GNB5: variants seen among roughly 807,000 people sequenced by gnomAD.
GNB5 encodes G protein subunit beta 5.
Under a neutral mutation model 55.3 loss-of-function variants are expected in GNB5, and 37 were observed. The ratio of observed to expected loss-of-function variants is 0.67; its 90% confidence interval spans 0.51 to 0.88. The LOEUF (loss-of-function observed/expected upper bound fraction) is 0.88, where lower values mean the gene tolerates loss of function less well. Ranked by LOEUF, GNB5 falls within the 40% of genes least tolerant of loss-of-function variation. The probability of loss-of-function intolerance (pLI) is 0.00; values close to 1 mark genes in which losing one functional copy is unlikely to be tolerated. For synonymous variants in GNB5, 219 were observed against 198.5 expected, an observed-to-expected ratio of 1.10 and a Z score of -0.87; for missense variants, 476 against 515.3, an observed-to-expected ratio of 0.92 and a Z score of 0.74.
chr15:52,118,354 T>G lies in GNB5; in HGVS notation c.*4403A>C, dbSNP rs1400741177. ...GGTCAAAACTATTTTCATAATAATA[T>G]TGACACTTTTTTTTTTTGTATGGGT... On this transcript the variant is annotated 3_prime_UTR_variant, in exon 13 of 13. Transcript: ENST00000261837. 6.9e-6 allele frequency: 1 copy of G among 145,120 alleles called. No individual in the cohort carries two copies. The highest frequency in any genetic ancestry group is 1.5e-5 in the Non-Finnish European group (1 of 65,744). The allele number at this position is 145,120 out of a possible 1,614,324, so 9.0% of individuals were successfully genotyped here. A position where few individuals can be genotyped will look rare whatever the true frequency, so the allele number is the denominator to read the frequency against.
chr15:52,155,214 A>G (rs2034181353), intron 3 of GNB5, among the ~76,000 whole-genome samples: 1 of 152,156 alleles, frequency 6.6e-6, no homozygotes, highest in Non-Finnish European at 1.5e-5. Context: ...GGGCATTTTC[A>G]GGGGGAAACA....
At chr15:52,158,030 A>G (rs1442836257) in intron 3 of GNB5, among the ~76,000 whole-genome samples, 1 of 151,340 alleles carries the variant, frequency 6.6e-6, no homozygotes, top group Non-Finnish European at 1.5e-5. Flanking sequence ...TTTTTTTTTA[A>G]TGGTGAATAT....
intron 2 of GNB5, among the ~76,000 whole-genome samples, chr15:52,183,441 A>G (rs2034803023): frequency 1.3e-5 from 2 of 152,324 alleles, no homozygotes; most frequent in South Asian, 4.1e-4. Context: ...GAAATATACT[A>G]CAGGTAGAAG....
intron 3 of GNB5, among the ~76,000 whole-genome samples, chr15:52,169,690 G>A (rs1477957785): frequency 6.6e-6 from 1 of 151,836 alleles, no homozygotes; most frequent in East Asian, 1.9e-4. Context: ...AATGCCGAAA[G>A]TAATTGCAAC....
chr15:52,137,963 A>T (rs1222810188), intron 7 of GNB5: 3 of 1,286,874 alleles, frequency 2.3e-6, no homozygotes, highest in Non-Finnish European at 3.0e-6. Flanking sequence ...AGAAAAGAGG[A>T]ATCAGGCCTT....
intron 5 of GNB5, among the ~76,000 whole-genome samples, chr15:52,148,478 C>T (rs997195881): frequency 1.3e-5 from 2 of 152,088 alleles, no homozygotes; most frequent in Admixed American, 6.5e-5. Flanking sequence ...GGCCTGTGTG[C>T]GGTTGCACAT....
chr15:52,126,779 C>T (rs1365375030), intron 10 of GNB5, among the ~76,000 whole-genome samples: 1 of 152,018 alleles, frequency 6.6e-6, no homozygotes, highest in African/African-American at 2.4e-5. Context: ...ATGACCAGAT[C>T]AGAAGTAGAG....
intron 3 of GNB5, among the ~76,000 whole-genome samples, chr15:52,177,264 A>G (rs953198936): frequency 6.0e-5 from 9 of 151,218 alleles, no homozygotes; most frequent in African/African-American, 1.7e-4. Context: ...CAATCTCCTG[A>G]CCTCATGATC....
Position 52,151,277 on chromosome 15 carries a change from T to C in GNB5, c.376-1352A>G, listed in dbSNP as rs143901931. ...ATGGCTGGGGACTGGTTCCTAGCAT[T>C]GCCCACATCAGCGACCACGTTAGGG... On this transcript the variant is annotated intron_variant, in intron 4 of 12. Coordinates refer to ENST00000261837, the MANE Select transcript of GNB5 (RefSeq NM_016194.4). 4.9e-3 allele frequency among the ~76,000 whole-genome samples: 752 copies of C among 152,244 alleles called. 17 individuals are homozygous for C. The highest frequency in any genetic ancestry group is 0.026 in the Admixed American group (395 of 15,294).
rs1596109859 is a variant in GNB5, at chr15:52,179,868, C to T, written c.138G>A (p.Glu46=). 1 of 1,546,004 alleles carries T rather than the reference C, an allele frequency of 6.5e-7. No individual in the cohort carries two copies. The highest frequency in any genetic ancestry group is 8.7e-7 in the Non-Finnish European group (1 of 1,147,350). Residue 46 remains glutamate, a synonymous_variant, in exon 3 of 13, where the codon GAG becomes GAA. Transcript: ENST00000261837. ...CCAGCGTCTCGTTCTCGTGCAGCCC[C>T]TCGGTTGCCATCTTCGCGCGGGGAC... ...CSTCAEIMAT[E]GLHENETLAS...
intron 3 of GNB5, among the ~76,000 whole-genome samples, chr15:52,154,339 A>G (rs542271929): frequency 1.3e-5 from 2 of 152,232 alleles, no homozygotes; most frequent in African/African-American, 4.8e-5. Context: ...TTATCTATGC[A>G]TGTTGAGGGA....
At chr15:52,176,041 T>C (rs1482585426) in intron 3 of GNB5, among the ~76,000 whole-genome samples, 2 of 151,094 alleles carry the variant, frequency 1.3e-5, no homozygotes, top group Non-Finnish European at 2.9e-5. Context: ...AGAGCCAGAC[T>C]CCATCTCAAA....
At chr15:52,163,911 C>G (rs1344777315) in intron 3 of GNB5, among the ~76,000 whole-genome samples, 1 of 152,170 alleles carries the variant, frequency 6.6e-6, no homozygotes, top group Non-Finnish European at 1.5e-5. Context: ...GCAGCCTTCA[C>G]TGGTGATACC....
At position 52,179,805 on chromosome 15, in the gene GNB5, C is replaced by T; in HGVS notation, c.201G>A (p.Lys67=). The change falls in exon 3 of 13, where the codon AAG becomes AAA. Residue 67 remains lysine, a synonymous_variant. Coordinates refer to ENST00000261837, the MANE Select transcript of GNB5 (RefSeq NM_016194.4). ...LKSEAESLKG[K]LEEERAKLHD... ...GCAGCTTGGCTCGCTCCTCCTCCAGCTTGCCCTTGAGGCTCTCGGCCTCGC... is the reference window on the plus strand; with the variant it reads ...GCAGCTTGGCTCGCTCCTCCTCCAGTTTGCCCTTGAGGCTCTCGGCCTCGC... The T allele has an allele frequency of 6.4e-7, 1 of 1,550,546 alleles. No homozygotes were observed. The highest frequency in any genetic ancestry group is 1.2e-5 in the South Asian group (1 of 84,790).
chr15:52,175,435 T>C (rs2034631527), intron 3 of GNB5, among the ~76,000 whole-genome samples: 1 of 152,154 alleles, frequency 6.6e-6, no homozygotes, highest in South Asian at 2.1e-4. Flanking sequence ...AAGGCCTGTG[T>C]GTGTCAGAAA....
Position 52,135,668 on chromosome 15 carries a change from TCAGC to T in GNB5, c.712_715del (p.Ala238ThrfsTer182). 6.2e-7 allele frequency: 1 copy of T among 1,613,612 alleles called. No individual in the cohort carries two copies. Among genetic ancestry groups the T allele is most frequent in the South Asian group, 1.1e-5 (1 of 91,038 alleles). ...GGGGGCCAGGTCCAAGCAGAGGACG[TCAGC>T]CCCATGTCCGTGGAAGCTCTGCAGC... On this transcript the variant is annotated frameshift_variant, in exon 8 of 13. Transcript: ENST00000261837. LOFTEE classifies it high-confidence loss of function.
At position 52,121,543 on chromosome 15, in the gene GNB5, T is replaced by C. The variant is rs528981507; in HGVS notation, c.*1214A>G. ...TTTTCTATGTAAGAGGAGCAGACGT[T>C]ATTATTCATGACTATCAATCAATCT... On this transcript the variant is annotated 3_prime_UTR_variant, in exon 13 of 13. Coordinates refer to ENST00000261837, the MANE Select transcript of GNB5 (RefSeq NM_016194.4). The C allele has an allele frequency of 1.3e-5, 2 of 152,218 alleles. No individual in the cohort carries two copies. Among genetic ancestry groups the C allele is most frequent in the South Asian group, 4.2e-4 (2 of 4,816 alleles). The allele number at this position is 152,218 out of a possible 1,614,324, so 9.4% of individuals were successfully genotyped here. A position where few individuals can be genotyped will look rare whatever the true frequency, so the allele number is the denominator to read the frequency against.
At position 52,141,194 on chromosome 15, in the gene GNB5, A is replaced by ACAC; in HGVS notation, c.572_573insGTG (p.Val191_Ala192insCys). ...CCGACAGGTAGTTGGTGTGCATAGC[A>ACAC]ACAGACTTCTTTTTGGCAGCCATGT... is the stretch of plus-strand genomic sequence containing the variant. On this transcript the variant is annotated inframe_insertion, in exon 7 of 13. Transcript: ENST00000261837. The ACAC allele has an allele frequency of 6.2e-7, 1 of 1,614,088 alleles. No individual in the cohort carries two copies. The highest frequency in any genetic ancestry group is 8.5e-7 in the Non-Finnish European group (1 of 1,179,936).
chr15:52,130,379 T>C (rs975686076), intron 9 of GNB5, among the ~76,000 whole-genome samples: 2 of 152,238 alleles, frequency 1.3e-5, no homozygotes, highest in African/African-American at 4.8e-5. Flanking sequence ...TCAGTCCCTG[T>C]AGCATCCGTC....
Sources: allele counts gnomAD v4.1 joint callset (sites outside exome capture counted in the v4.1 genomes callset), GRCh38; gene constraint gnomAD v4.1.1; transcripts MANE v1.5; gene names NCBI Gene and HGNC (gene_info 2026-07-23, HGNC 2026-07-21).